Variants in MAST4 observed in about 807,000 individuals in gnomAD.
MAST4 encodes microtubule associated serine/threonine kinase family member 4, also known as microtubule-associated serine/threonine-protein kinase 4.
Under a neutral mutation model 162.7 loss-of-function variants are expected in MAST4, and 89 were observed. The observed-to-expected ratio is 0.55, with a 90% CI of 0.46 to 0.65. The LOEUF is 0.65. Ranked by LOEUF, MAST4 falls within the 30% of genes least tolerant of loss-of-function variation. The pLI, the probability that MAST4 is intolerant of heterozygous loss-of-function variation, is 0.00. For missense variants in MAST4, 3,153 were observed against 3,374.0 expected (o/e 0.93, Z 1.62); for synonymous variants, 1,479 against 1,361.1 (o/e 1.09, Z -1.91).
chr5:66,619,939 AAGT>A (rs1743963830), intron 1 of MAST4, among the ~76,000 whole-genome samples: 1 of 151,352 alleles, frequency 6.6e-6, no homozygotes. Context: ...AAATATCAGA[AAGT>A]AGGATATATA....
At chr5:66,947,472 A>G (rs1188711323) in intron 4 of MAST4, among the ~76,000 whole-genome samples, 3 of 152,194 alleles carry the variant, frequency 2.0e-5, no homozygotes, top group African/African-American at 7.2e-5. Context: ...TAATGGGTTA[A>G]CAGTCTTCTC....
chr5:66,716,171 A>G (rs1157423515), intron 1 of MAST4, among the ~76,000 whole-genome samples: 1 of 152,200 alleles, frequency 6.6e-6, no homozygotes, highest in African/African-American at 2.4e-5. Context: ...TTTGAGCGTA[A>G]AAGGGAAGGT....
chr5:67,044,551 A>G (rs966387945), intron 4 of MAST4, among the ~76,000 whole-genome samples: 5 of 152,092 alleles, frequency 3.3e-5, no homozygotes, highest in African/African-American at 1.2e-4. Context: ...GTCTTGCTCT[A>G]TAGTCCAGGC....
intron 4 of MAST4, among the ~76,000 whole-genome samples, chr5:67,019,287 G>A (rs539731750): frequency 6.6e-6 from 1 of 152,362 alleles, no homozygotes; most frequent in Admixed American, 6.5e-5. Flanking sequence ...TTCCTGGTAT[G>A]CAGTGGAGAT....
chr5:66,934,036 CTG>C (rs1208253725), intron 4 of MAST4, among the ~76,000 whole-genome samples: 1 of 152,080 alleles, frequency 6.6e-6, no homozygotes, highest in Admixed American at 6.5e-5. Flanking sequence ...ATATAAACTT[CTG>C]TGTTTAACAG....
chr5:67,044,382 T>C (rs1757121607), intron 4 of MAST4, among the ~76,000 whole-genome samples: 1 of 152,212 alleles, frequency 6.6e-6, no homozygotes, highest in Non-Finnish European at 1.5e-5. Flanking sequence ...ATGACTCATG[T>C]TGCAGATAAA....
At chr5:66,660,781 T>C (rs929188272) in intron 1 of MAST4, among the ~76,000 whole-genome samples, 1 of 152,210 alleles carries the variant, frequency 6.6e-6, no homozygotes, top group Non-Finnish European at 1.5e-5. Context: ...ATAATTATAT[T>C]GCTAATTACT....
In MAST4 at chr5:67,083,011, T is replaced by A. The variant is rs556267229; in HGVS notation, c.764-7151T>A. 1.2e-3 allele frequency among the ~76,000 whole-genome samples: 180 copies of A among 152,322 alleles called. 1 individual carries two copies. The highest frequency in any genetic ancestry group is 4.1e-3 in the African/African-American group (169 of 41,578). ...CTGATATGCAGTTCCCATTGACACC[T>A]GTTTATTGATCTAAGGAAATGGAGG... On this transcript the variant is annotated intron_variant, in intron 5 of 28. Coordinates refer to ENST00000403625, the MANE Select transcript of MAST4 (RefSeq NM_001164664.2).
chr5:67,052,755 C>A (rs1758344411), intron 4 of MAST4, among the ~76,000 whole-genome samples: 1 of 151,894 alleles, frequency 6.6e-6, no homozygotes, highest in African/African-American at 2.4e-5. Context: ...AAAAATGTAG[C>A]CATTTTTATA....
chr5:67,078,879 A>ATTT (rs1561621541), intron 5 of MAST4, among the ~76,000 whole-genome samples: 8 of 87,598 alleles, frequency 9.1e-5, no homozygotes, highest in African/African-American at 3.8e-4. Context: ...TATTTATATA[A>ATTT]ATATATTTAT....
At chr5:67,071,430 G>A (rs1253051680) in intron 5 of MAST4, among the ~76,000 whole-genome samples, 1 of 152,114 alleles carries the variant, frequency 6.6e-6, no homozygotes, top group South Asian at 2.1e-4. Context: ...AACAGTCCAT[G>A]GATCTTTCCT....
At chr5:66,735,919 G>A (rs1269108400) in intron 1 of MAST4, among the ~76,000 whole-genome samples, 1 of 152,156 alleles carries the variant, frequency 6.6e-6, no homozygotes. Flanking sequence ...AGGAATCTAT[G>A]AAGACCTTTA....
intron 10 of MAST4, among the ~76,000 whole-genome samples, chr5:67,107,394 G>A (rs1765715420): frequency 1.3e-5 from 2 of 152,178 alleles, no homozygotes; most frequent in South Asian, 4.1e-4. Context: ...GGCCAGAGAA[G>A]CATGTATACT....
chr5:66,890,045 A>G (rs1376080334), intron 3 of MAST4, among the ~76,000 whole-genome samples: 1 of 152,064 alleles, frequency 6.6e-6, no homozygotes, highest in Non-Finnish European at 1.5e-5. Context: ...TCTTTTTTTT[A>G]TGAAGGACTG....
intron 4 of MAST4, among the ~76,000 whole-genome samples, chr5:66,957,897 A>G (rs868656097): frequency 1.3e-5 from 2 of 152,228 alleles, no homozygotes; most frequent in South Asian, 4.1e-4. Flanking sequence ...CTCCTTGCCC[A>G]GGGCACAACC....
intron 5 of MAST4, among the ~76,000 whole-genome samples, chr5:67,085,918 G>C (rs1383282705): frequency 2.0e-5 from 3 of 152,192 alleles, no homozygotes; most frequent in Non-Finnish European, 2.9e-5. Flanking sequence ...TCAGGTTGAG[G>C]TTCCTGCATC....
intron 5 of MAST4, among the ~76,000 whole-genome samples, chr5:67,064,288 A>G (rs1047526628): frequency 6.6e-6 from 1 of 152,204 alleles, no homozygotes; most frequent in Non-Finnish European, 1.5e-5. Context: ...ATGCAGTGCC[A>G]TAGAATCCAA....
In MAST4 at chr5:67,166,643, C is replaced by CG; in HGVS notation, c.7469dup (p.Met2491HisfsTer13). 6.2e-7 allele frequency: 1 copy of CG among 1,600,192 alleles called. No homozygotes were observed. Among genetic ancestry groups the CG allele is most frequent in the Non-Finnish European group, 8.5e-7 (1 of 1,173,554 alleles). On this transcript the variant is annotated frameshift_variant, in exon 29 of 29. Coordinates refer to ENST00000403625, the MANE Select transcript of MAST4 (RefSeq NM_001164664.2). LOFTEE classifies it low-confidence loss of function (END_TRUNC). ...GCGACACCTCTTCTGCCAAGGCCGC[C>CG]GGGGGCATGCTGGAGCTTCCAGCCC...
chr5:66,780,153 A>G (rs970280687), intron 2 of MAST4, among the ~76,000 whole-genome samples: 1 of 152,198 alleles, frequency 6.6e-6, no homozygotes, highest in African/African-American at 2.4e-5. Context: ...CATCAGCACT[A>G]TCCATCTCCA....
Sources: gnomAD v4.1 joint callset for allele counts (sites outside exome capture counted in the v4.1 genomes callset) on GRCh38, gnomAD v4.1.1 for gene constraint, MANE v1.5 for transcripts, NCBI Gene and HGNC (gene_info 2026-07-23, HGNC 2026-07-21) for gene names.